Variants in SNAPC4 observed in about 807,000 individuals in gnomAD.
SNAPC4 encodes the protein snRNA-activating protein complex subunit 4.
A neutral mutation model predicts 151.3 loss-of-function variants in SNAPC4; 127 were observed. The observed-to-expected ratio is 0.84, with a 90% confidence interval of 0.73 to 0.97. SNAPC4 has a LOEUF of 0.97. SNAPC4 is among the 50% of genes least tolerant of loss of function. The pLI is 0.00. For missense variants in SNAPC4, 2,186 were observed against 1,935.0 expected, an observed-to-expected ratio of 1.13 and a Z score of -2.43; for synonymous variants, 1,002 against 824.4, an observed-to-expected ratio of 1.22 and a Z score of -3.69.
intron 2 of SNAPC4, 39 bp from the exon 3 acceptor site, chr9:136,397,062 G>T: frequency 6.3e-7 from 1 of 1,590,302 alleles, no homozygotes; most frequent in Non-Finnish European, 8.6e-7. Context: ...GGTAACCAGC[G>T]TCTTGGGCAG....
chr9:136,394,159 C>T (rs1834176932), intron 7 of SNAPC4, 90 bp downstream of exon 7: 1 of 1,036,966 alleles, frequency 9.6e-7, no homozygotes, highest in Non-Finnish European at 1.5e-6. Flanking sequence ...AAGAGATCCT[C>T]CTGCCTTGGC....
intron 2 of SNAPC4, 37 bp from the exon 3 acceptor site, chr9:136,397,060 G>C (rs781368716): frequency 6.3e-7 from 1 of 1,596,824 alleles, no homozygotes; most frequent in Non-Finnish European, 8.6e-7. Context: ...TTGGTAACCA[G>C]CGTCTTGGGC....
At position 136,377,606 on chromosome 9, in the gene SNAPC4, A is replaced by C. The variant is rs10781507; in HGVS notation, c.4221T>G (p.Ser1407Arg). The stretch of plus-strand genomic sequence containing the variant: ...CGTCCCTGTCTGCAAGTTCCAGCTC[A>C]CTCAGGAGGTCTTCATCCTCACTCT... ...GSESEDEDLL[S>R]ELELADRDGQ... Residue 1407 changes from serine to arginine, a missense_variant, in exon 22 of 24, where the codon AGT becomes AGG. By Grantham distance (110) the Ser-to-Arg change is moderately radical. Coordinates refer to ENST00000684778, the MANE Select transcript of SNAPC4 (RefSeq NM_003086.4). 1 of 1,543,546 alleles carries C rather than the reference A, an allele frequency of 6.5e-7. No homozygotes were observed. The highest frequency in any genetic ancestry group is 1.2e-5 in the South Asian group (1 of 82,628).
At position 136,384,762 on chromosome 9, in the gene SNAPC4, CTTT is replaced by C. The variant is rs754065800; in HGVS notation, c.1375_1377del (p.Lys459del). On this transcript the variant is annotated inframe_deletion, in exon 14 of 24. Transcript: ENST00000684778. ...ATTAATTCAATTAACTGTTCCTCTT[CTTT>C]TAAATTCCACCGACCCTTTTTCAAG... 6.3e-7 allele frequency: 1 copy of C among 1,592,778 alleles called. No homozygotes were observed.
intron 13 of SNAPC4, among the ~76,000 whole-genome samples, chr9:136,386,573 T>G (rs1460759666): frequency 2.0e-5 from 3 of 151,768 alleles, no homozygotes; most frequent in Non-Finnish European, 4.4e-5. Flanking sequence ...TAGCTGGGAT[T>G]ACAGGCATGT....
At chr9:136,388,036 G>C (rs1833948490) in intron 11 of SNAPC4, among the ~76,000 whole-genome samples, 188 bp from the exon 12 acceptor site, 1 of 152,212 alleles carries the variant, frequency 6.6e-6, no homozygotes, top group South Asian at 2.1e-4. Context: ...GGGAGGCAGA[G>C]GCTGGCGGAT....
At chr9:136,376,783 TCCC>T (rs1833462415) in intron 22 of SNAPC4, among the ~76,000 whole-genome samples, 1 of 152,254 alleles carries the variant, frequency 6.6e-6, no homozygotes, top group South Asian at 2.1e-4. Context: ...GAGGGCCTCT[TCCC>T]CTGGCTGGCC....
rs1834346917 is a variant in SNAPC4 at position 136,398,407 on chromosome 9, C to T, written c.22G>A (p.Glu8Lys). The T allele has an allele frequency of 6.2e-7, 1 of 1,613,648 alleles. No individual in the cohort carries two copies. The highest frequency in any genetic ancestry group is 8.5e-7 in the Non-Finnish European group (1 of 1,179,722). Residue 8 changes from glutamate (E) to lysine (K), a missense_variant, in exon 2 of 24, where the codon GAG (glutamate) becomes AAG (lysine). Transcript: ENST00000684778. MDVDAER[E>K]KITQEIKELE... ...TCCTTGATCTCCTGTGTTATCTTCT[C>T]TCTTTCAGCATCTACATCCATGACT...
At chr9:136,385,217 G>A (rs1041934795) in intron 13 of SNAPC4, among the ~76,000 whole-genome samples, 3 of 152,178 alleles carry the variant, frequency 2.0e-5, no homozygotes, top group South Asian at 2.1e-4. Context: ...ACAGGGAAGC[G>A]CACGTCAAAA....
chr9:136,384,421 A>G (rs1833820027), intron 14 of SNAPC4, among the ~76,000 whole-genome samples: 1 of 152,156 alleles, frequency 6.6e-6, no homozygotes, highest in Admixed American at 6.5e-5. Flanking sequence ...GTGTCCTTGA[A>G]CGTGGCAATA....
rs1190645232 is a variant in SNAPC4, at chr9:136,378,228, G to A, written c.3599C>T (p.Pro1200Leu). The A allele has an allele frequency of 6.2e-7, 1 of 1,611,530 alleles. No individual in the cohort carries two copies. Among genetic ancestry groups the A allele is most frequent in the Non-Finnish European group, 8.5e-7 (1 of 1,179,500 alleles). The change falls in exon 22 of 24, where the codon CCC becomes CTC. Residue 1200 changes from proline (P) to leucine (L), a missense_variant. Pro to Leu is a moderately conservative substitution (Grantham distance 98). Transcript: ENST00000684778. ...SSHADPPEAE[P>L]PWSGRLPAFG... is the part of the protein sequence containing the mutation. Reference sequence around the variant, plus strand: ...GGCTGGCAGCCTCCCGGACCAAGGGGGTTCTGCTTCAGGAGGGTCAGCGTG... The same window carrying A: ...GGCTGGCAGCCTCCCGGACCAAGGGAGTTCTGCTTCAGGAGGGTCAGCGTG...
In SNAPC4 at chr9:136,387,755, G is replaced by A. The variant is rs550672820; in HGVS notation, c.1217C>T (p.Pro406Leu). The change falls in exon 12 of 24, where the codon CCG (proline) becomes CTG (leucine). Residue 406 changes from proline to leucine, a missense_variant. Transcript: ENST00000684778. ...CCGCACACTTACAGCATCTTCCTCC[G>A]GGGCCCAGTAACCCTTCTTCAGACC... is the stretch of plus-strand genomic sequence containing the variant. ...DPGLKKGYWA[P>L]EEDAKLLQAV... is the part of the protein sequence containing the mutation. The A allele has an allele frequency of 2.2e-5, 35 of 1,606,800 alleles. No homozygotes were observed. Among genetic ancestry groups the A allele is most frequent in the African/African-American group, 2.7e-5 (2 of 74,854 alleles).
In SNAPC4 at chr9:136,378,600, ACAGG is replaced by A. The variant is rs1332965012; in HGVS notation, c.3223_3226del (p.Pro1075SerfsTer19). 1.9e-6 allele frequency: 3 copies of A among 1,580,634 alleles called. No homozygotes were observed. Among genetic ancestry groups the A allele is most frequent in the South Asian group, 2.3e-5 (2 of 87,258 alleles). On this transcript the variant is annotated frameshift_variant, in exon 22 of 24. Coordinates refer to ENST00000684778, the MANE Select transcript of SNAPC4 (RefSeq NM_003086.4). LOFTEE classifies it high-confidence loss of function. ...CCCCTGGGCTGTGAGCACCCAGGTG[ACAGG>A]CAGGGGGACACTGGTCGCCACATGT... is the stretch of plus-strand genomic sequence containing the variant.
At chr9:136,389,096 G>C (rs1036008630) in intron 10 of SNAPC4, among the ~76,000 whole-genome samples, 1 of 152,192 alleles carries the variant, frequency 6.6e-6, no homozygotes, top group Non-Finnish European at 1.5e-5. Flanking sequence ...CCTCAGAAGA[G>C]AGTGCCCCAA....
chr9:136,399,106 C>T (rs921524001), intron 1 of SNAPC4, among the ~76,000 whole-genome samples: 1 of 152,184 alleles, frequency 6.6e-6, no homozygotes. Flanking sequence ...GGGAGAAGGA[C>T]GCTAGAGAGA....
In SNAPC4 at chr9:136,380,811, G is replaced by A. The variant is rs144864297; in HGVS notation, c.2428C>T (p.Arg810Ter). The A allele has an allele frequency of 9.9e-6, 16 of 1,611,440 alleles. No homozygotes were observed. The highest frequency in any genetic ancestry group is 1.3e-5 in the African/African-American group (1 of 74,900). ...CTGGGTGGCAGGGCCTTCCTCTCTC[G>A]GACGACCTCCAAGCAGCCGGCAGTA... ...IDTAGCLEVV[R>*]ERKALPPRLP... Residue 810 changes from arginine to a stop codon, truncating the protein, a stop_gained, in exon 20 of 24, where the codon CGA becomes TGA. Coordinates refer to ENST00000684778, the MANE Select transcript of SNAPC4 (RefSeq NM_003086.4). LOFTEE classifies it high-confidence loss of function.
chr9:136,388,024 T>C (rs757980917), intron 11 of SNAPC4, among the ~76,000 whole-genome samples, 176 bp from the exon 12 acceptor site: 1 of 152,058 alleles, frequency 6.6e-6, no homozygotes, highest in Non-Finnish European at 1.5e-5. Flanking sequence ...TCCCAGCACT[T>C]TGGGAGGCAG....
chr9:136,393,163 C>T (rs546868219), intron 7 of SNAPC4, among the ~76,000 whole-genome samples: 75 of 152,312 alleles, frequency 4.9e-4, no homozygotes, highest in African/African-American at 1.7e-3. Context: ...AAGAACCACT[C>T]CCCAGAGCAG....
Position 136,378,686 on chromosome 9 carries a change from G to A in SNAPC4, c.3141C>T (p.Ala1047=), listed in dbSNP as rs752291202. The change falls in exon 22 of 24, where the codon GCC becomes GCT. Residue 1047 remains alanine, a synonymous_variant. Coordinates refer to ENST00000684778, the MANE Select transcript of SNAPC4 (RefSeq NM_003086.4). ...LPEAPPFLPA[A]PSPTPLPVQP... is the part of the protein sequence containing the mutation. The stretch of plus-strand genomic sequence containing the variant: ...GGACGGGCAGTGGGGTGGGGCTGGG[G>A]GCTGCGGGGAGAAAGGGTGGCGCCT... The A allele has an allele frequency of 1.0e-5, 15 of 1,498,296 alleles. No homozygotes were observed. In the East Asian group the frequency reaches 3.1e-4, roughly 31 times the overall value. The allele number at this position is 1,498,296 out of a possible 1,614,324, so 92.8% of individuals were successfully genotyped here.
Sources: gnomAD v4.1 joint callset for allele counts (sites outside exome capture counted in the v4.1 genomes callset) on GRCh38, gnomAD v4.1.1 for gene constraint, MANE v1.5 for transcripts, NCBI Gene and HGNC (gene_info 2026-07-23, HGNC 2026-07-21) for gene names.